Variants in SIPA1L3 observed in about 807,000 individuals in gnomAD.
SIPA1L3 encodes the protein signal induced proliferation associated 1 like 3.
In SIPA1L3, 59 loss-of-function variants were observed where a neutral mutation model predicts 150.1. The observed-to-expected ratio is 0.39, with a 90% CI of 0.32 to 0.49. The LOEUF is 0.49. Ranked by LOEUF, SIPA1L3 falls within the 20% of genes least tolerant of loss-of-function variation. The pLI is 0.86. For missense variants in SIPA1L3, 2,211 were observed against 2,489.5 expected, an observed-to-expected ratio of 0.89 and a Z score of 2.38; for synonymous variants, 1,070 against 1,077.6, an observed-to-expected ratio of 0.99 and a Z score of 0.14.
chr19:38,030,623 AATATATATAT>A (rs757828313), intron 2 of SIPA1L3, among the ~76,000 whole-genome samples: 3 of 42,628 alleles, frequency 7.0e-5, no homozygotes, highest in African/African-American at 1.8e-4. Context: ...ATATGTGGCA[AATATATATAT>A]ATATATATAT....
At chr19:38,129,296 G>A (rs1971254265) in intron 9 of SIPA1L3, among the ~76,000 whole-genome samples, 1 of 152,120 alleles carries the variant, frequency 6.6e-6, no homozygotes, top group African/African-American at 2.4e-5. Flanking sequence ...GGGAAGGTCT[G>A]AGGAGGAGAT....
chr19:38,093,730 C>T (rs540808540), intron 4 of SIPA1L3, among the ~76,000 whole-genome samples: 218 of 152,322 alleles, frequency 1.4e-3, no homozygotes, highest in Non-Finnish European at 2.2e-3. Context: ...ATGGCCGTCC[C>T]CAGCCGCCAA....
At chr19:37,942,554 G>T (rs1171281600) in intron 1 of SIPA1L3, among the ~76,000 whole-genome samples, 1 of 147,418 alleles carries the variant, frequency 6.8e-6, no homozygotes, top group Non-Finnish European at 1.5e-5. Flanking sequence ...CAGGAGACGG[G>T]GGTGGCGGGG....
chr19:38,035,690 G>A (rs1366696206), intron 2 of SIPA1L3, among the ~76,000 whole-genome samples: 2 of 152,072 alleles, frequency 1.3e-5, no homozygotes, highest in Non-Finnish European at 1.5e-5. Context: ...GACAGTACCT[G>A]GCACGAGAAG....
At chr19:37,932,157 G>A (rs2046560049) in intron 1 of SIPA1L3, among the ~76,000 whole-genome samples, 1 of 152,228 alleles carries the variant, frequency 6.6e-6, no homozygotes, top group Non-Finnish European at 1.5e-5. Context: ...TAGATTGTAC[G>A]GTTCTGAATG....
intron 1 of SIPA1L3, among the ~76,000 whole-genome samples, chr19:37,928,631 AAC>A (rs2046527262): frequency 6.6e-6 from 1 of 152,120 alleles, no homozygotes; most frequent in South Asian, 2.1e-4. Context: ...GGCTAGGTAA[AAC>A]ACAGATTGCT....
intron 1 of SIPA1L3, among the ~76,000 whole-genome samples, chr19:38,000,894 TTATA>T (rs552331515): frequency 0.013 from 1,529 of 114,920 alleles, 29 homozygotes; most frequent in African/African-American, 0.04. Context: ...TATATATATG[TTATA>T]TATATATATA....
intron 1 of SIPA1L3, among the ~76,000 whole-genome samples, chr19:37,937,884 A>G (rs2047531816): frequency 6.6e-6 from 1 of 151,546 alleles, no homozygotes; most frequent in South Asian, 2.1e-4. Context: ...ATCTCTACTA[A>G]AAATACAAAA....
chr19:38,144,244 G>A (rs1052555609), intron 12 of SIPA1L3, among the ~76,000 whole-genome samples: 5 of 152,248 alleles, frequency 3.3e-5, no homozygotes, highest in Admixed American at 6.5e-5. Flanking sequence ...GCTTGCGCAC[G>A]TGCATGTATG....
At chr19:38,063,389 T>G (rs1969498575) in intron 2 of SIPA1L3, among the ~76,000 whole-genome samples, 1 of 151,886 alleles carries the variant, frequency 6.6e-6, no homozygotes, top group South Asian at 2.1e-4. Context: ...ATCCTCAGGT[T>G]AGGATAAGCA....
At chr19:38,148,138 G>A (rs1971740240) in intron 12 of SIPA1L3, among the ~76,000 whole-genome samples, 1 of 151,814 alleles carries the variant, frequency 6.6e-6, no homozygotes, top group Admixed American at 6.6e-5. Context: ...GGATCATGAG[G>A]TCAGGAGTTC....
intron 1 of SIPA1L3, among the ~76,000 whole-genome samples, chr19:37,999,492 A>G (rs767770751): frequency 5.9e-5 from 9 of 152,170 alleles, no homozygotes; most frequent in Non-Finnish European, 1.2e-4. Flanking sequence ...TGCACATGGA[A>G]GTGAGTGGTG....
intron 16 of SIPA1L3, among the ~76,000 whole-genome samples, chr19:38,190,367 A>G (rs1416203116): frequency 2.0e-5 from 3 of 151,890 alleles, no homozygotes; most frequent in Non-Finnish European, 2.9e-5. Flanking sequence ...CTGTCTCTCT[A>G]TTTCTCTCTT....
rs774555424 is a variant in SIPA1L3, at chr19:38,152,791, G to A, written c.3534-49G>A. The A allele has an allele frequency of 1.6e-5, 25 of 1,556,990 alleles. No individual in the cohort carries two copies. The Admixed American group carries it at 2.3e-4, about 15-fold the overall frequency. The stretch of plus-strand genomic sequence containing the variant: ...TCAGGCTCAGGCTCAGGTGGTTTTC[G>A]ACATAGGCTGATCTTTAACCCTGGG... On this transcript the variant is annotated intron_variant, in intron 12 of 21. Transcript: ENST00000222345.
chr19:38,027,526 G>A (rs564492744), intron 1 of SIPA1L3, among the ~76,000 whole-genome samples: 21 of 152,160 alleles, frequency 1.4e-4, no homozygotes, highest in African/African-American at 5.1e-4. Flanking sequence ...GGATATTTGG[G>A]TAGCATTTGG....
intron 1 of SIPA1L3, among the ~76,000 whole-genome samples, chr19:37,978,222 T>C (rs867584802): frequency 3.9e-5 from 6 of 152,186 alleles, no homozygotes; most frequent in African/African-American, 1.4e-4. Context: ...CAGTCGCTAA[T>C]ACAAATGAGC....
At chr19:38,057,963 G>A (rs916250722) in intron 2 of SIPA1L3, among the ~76,000 whole-genome samples, 15 of 152,046 alleles carry the variant, frequency 9.9e-5, no homozygotes, top group African/African-American at 3.1e-4. Context: ...TGCCCGGCCT[G>A]AGAACACTTT....
At chr19:38,026,739 A>G (rs1258000341) in intron 1 of SIPA1L3, among the ~76,000 whole-genome samples, 1 of 152,156 alleles carries the variant, frequency 6.6e-6, no homozygotes, top group Non-Finnish European at 1.5e-5. Flanking sequence ...AGGATGGAAG[A>G]TTAGTGGGTC....
chr19:38,036,938 G>A (rs1177862394), intron 2 of SIPA1L3, among the ~76,000 whole-genome samples: 1 of 152,148 alleles, frequency 6.6e-6, no homozygotes, highest in Admixed American at 6.5e-5. Flanking sequence ...CAGAAGCCAC[G>A]TGTTCACTTC....
Sources: allele counts gnomAD v4.1 joint callset (sites outside exome capture counted in the v4.1 genomes callset), GRCh38; gene constraint gnomAD v4.1.1; transcripts MANE v1.5; gene names NCBI Gene and HGNC (gene_info 2026-07-23, HGNC 2026-07-21).